The following ZNF483 variants were observed in gnomAD, a reference collection of about 807,000 sequenced individuals.
ZNF483 encodes zinc finger protein HIT-10.
ZNF483 carries 9 observed loss-of-function variants against 28.6 expected under a neutral mutation model. The observed-to-expected ratio is 0.32, with a 90% CI of 0.19 to 0.55. The LOEUF (loss-of-function observed/expected upper bound fraction) is 0.55, where lower values mean the gene tolerates loss of function less well. ZNF483 is among the 20% of genes least tolerant of loss of function. The probability of loss-of-function intolerance (pLI) is 0.93; values close to 1 mark genes in which losing one functional copy is unlikely to be tolerated. For synonymous variants in ZNF483, 322 were observed against 306.2 expected (o/e 1.05, Z -0.54); for missense variants, 675 against 871.7 (o/e 0.77, Z 2.84).
chr9:111,546,138 T>C lies in ZNF483; in HGVS notation c.*2968T>C, dbSNP rs1188053391. ...TATTCCTTTGTGGTTTTAACTTTGA[T>C]TTTCCTGATGGCGAATAATGTCAAA... is the stretch of plus-strand genomic sequence containing the variant. On this transcript the variant is annotated 3_prime_UTR_variant, in exon 6 of 6. Coordinates refer to ENST00000309235, the MANE Select transcript of ZNF483 (RefSeq NM_133464.5). Among the ~76,000 whole-genome samples the C allele has an allele frequency of 2.0e-5, 3 of 152,224 alleles. No homozygotes were observed. Among genetic ancestry groups the C allele is most frequent in the Admixed American group, 2.0e-4 (3 of 15,284 alleles).
chr9:111,559,340 T>C (rs1828209599), downstream of ZNF483, among the ~76,000 whole-genome samples: 1 of 151,958 alleles, frequency 6.6e-6, no homozygotes. Context: ...GGACTTTGAC[T>C]CCTCACACCA....
In ZNF483 at chr9:111,549,734, G is replaced by A; in HGVS notation, c.*6564G>A. ...GACCCTTGCCTTCTAAGGTAATGGT[G>A]AATGATACATATTCCCTTCATTTTT... On this transcript the variant is annotated 3_prime_UTR_variant, in exon 6 of 6. Transcript: ENST00000309235. 1 of 1,549,772 alleles carries A rather than the reference G, an allele frequency of 6.5e-7. No individual in the cohort carries two copies. The highest frequency in any genetic ancestry group is 8.7e-7 in the Non-Finnish European group (1 of 1,146,414).
chr9:111,559,343 T>C (rs1272338213), downstream of ZNF483, among the ~76,000 whole-genome samples: 1 of 152,142 alleles, frequency 6.6e-6, no homozygotes, highest in South Asian at 2.1e-4. Flanking sequence ...CTTTGACTCC[T>C]CACACCAGGC....
chr9:111,542,320 C>G lies in ZNF483; in HGVS notation c.1385C>G (p.Thr462Ser). ...ASLTKHRRIH[T>S]GEKPYMCNEC... ...CTCACCAAACATCGGAGAATTCACA[C>G]TGGAGAAAAACCCTATATGTGTAAT... Residue 462 changes from threonine to serine, a missense_variant, in exon 6 of 6, where the codon ACT becomes AGT. By Grantham distance (58) the Thr-to-Ser change is moderately conservative. Transcript: ENST00000309235. This position sits in a 1 kb window ranked among gnomAD's most constrained non-coding sequence, Gnocchi z 6.2. The G allele has an allele frequency of 6.2e-7, 1 of 1,614,170 alleles. No individual in the cohort carries two copies. The highest frequency in any genetic ancestry group is 8.5e-7 in the Non-Finnish European group (1 of 1,180,032).
At chr9:111,563,006 C>A in intron 5 of ZNF483, 1 of 1,453,124 alleles carries the variant, frequency 6.9e-7, no homozygotes, top group South Asian at 1.5e-5. Context: ...GTAGCTCAAA[C>A]TCATTATGAG....
downstream of ZNF483, among the ~76,000 whole-genome samples, chr9:111,559,647 G>GCA (rs60224675): frequency 0.2 from 29,625 of 150,640 alleles, 4,533 homozygotes; most frequent in African/African-American, 0.42. Context: ...CACACATACA[G>GCA]CACACACACA....
At chr9:111,569,626 G>A (rs1160658803) in intron 5 of ZNF483, among the ~76,000 whole-genome samples, 2 of 152,122 alleles carry the variant, frequency 1.3e-5, no homozygotes, top group Admixed American at 6.6e-5. Flanking sequence ...TTAGCTGGGC[G>A]TGGTGGTACA....
chr9:111,534,747 G>A lies in ZNF483; in HGVS notation c.721+394G>A, dbSNP rs528218463. 5.7e-5 allele frequency among the ~76,000 whole-genome samples: 7 copies of A among 123,886 alleles called. No individual in the cohort carries two copies. In the South Asian group the frequency reaches 1.0e-3, roughly 18 times the overall value. The allele number at this position is 123,886 out of a possible 152,430, so 81.3% of individuals were successfully genotyped here. ...TTTTTTTTTTTTTTTTTTTTGAGTCGGAGTCTCACACCGTCTCCCGAGCTA... is the reference window on the plus strand; with the variant it reads ...TTTTTTTTTTTTTTTTTTTTGAGTCAGAGTCTCACACCGTCTCCCGAGCTA... On this transcript the variant is annotated intron_variant, in intron 5 of 5. Transcript: ENST00000309235.
chr9:111,547,907 T>C lies in ZNF483; in HGVS notation c.*4737T>C, dbSNP rs1163051429. Among the ~76,000 whole-genome samples the C allele has an allele frequency of 6.6e-6, 1 of 152,210 alleles. No individual in the cohort carries two copies. The highest frequency in any genetic ancestry group is 1.5e-5 in the Non-Finnish European group (1 of 68,028). On this transcript the variant is annotated 3_prime_UTR_variant, in exon 6 of 6. Coordinates refer to ENST00000309235, the MANE Select transcript of ZNF483 (RefSeq NM_133464.5). The stretch of plus-strand genomic sequence containing the variant: ...TATCCTTTCCACATCATGTATTCTT[T>C]GCACTCTTGTCAAAGATCATTTGAC...
chr9:111,552,843 C>G lies in ZNF483; in HGVS notation c.*9673C>G, dbSNP rs1353756363. On this transcript the variant is annotated 3_prime_UTR_variant, in exon 6 of 6. Transcript: ENST00000309235. ...AAAATATATTCTGTTCATGTATATC[C>G]AAGAGCAAAATTGTTTAATGGTTTC... is the stretch of plus-strand genomic sequence containing the variant. Among the ~76,000 whole-genome samples the G allele has an allele frequency of 6.6e-6, 1 of 152,000 alleles. No homozygotes were observed.
At chr9:111,527,027 C>G (rs778280723) in intron 1 of ZNF483, among the ~76,000 whole-genome samples, 1 of 151,954 alleles carries the variant, frequency 6.6e-6, no homozygotes, top group African/African-American at 2.4e-5. Flanking sequence ...TTGAACCCAG[C>G]CGGGGCAGAG....
chr9:111,528,506 G>A (rs1827236817), intron 2 of ZNF483, among the ~76,000 whole-genome samples: 1 of 152,136 alleles, frequency 6.6e-6, no homozygotes. Context: ...AGGGTGAGTA[G>A]TCCTTTCAGG....
chr9:111,571,372 C>A (rs1226787445), intron 5 of ZNF483, among the ~76,000 whole-genome samples: 1 of 149,578 alleles, frequency 6.7e-6, no homozygotes, highest in Non-Finnish European at 1.5e-5. Flanking sequence ...TTGCACCACT[C>A]CACTCCAGCC....
intron 5 of ZNF483, among the ~76,000 whole-genome samples, chr9:111,569,398 T>A (rs1828710493): frequency 6.6e-6 from 1 of 152,150 alleles, no homozygotes; most frequent in Non-Finnish European, 1.5e-5. Context: ...GAGAGAATGA[T>A]CACTATGAAA....
rs1402494680 is a variant in ZNF483, at chr9:111,560,968, TATATATAGAGAG to T, written c.722-15395_722-15384del. On this transcript the variant is annotated intron_variant, in intron 5 of 5. Coordinates refer to the ZNF483 transcript ENST00000358151. The stretch of plus-strand genomic sequence containing the variant: ...AAATATATATATATATATATATATA[TATATATAGAGAG>T]AGAGAGAGAGAGAGAGAGAGAGAGA... Among the ~76,000 whole-genome samples the T allele has an allele frequency of 7.5e-5, 3 of 40,066 alleles. 1 individual carries two copies. Among genetic ancestry groups the T allele is most frequent in the African/African-American group, 1.1e-4 (1 of 9,116 alleles). The allele number at this position is 40,066 out of a possible 152,430, so 26.3% of individuals were successfully genotyped here. A position where few individuals can be genotyped will look rare whatever the true frequency, so the allele number is the denominator to read the frequency against.
downstream of ZNF483, among the ~76,000 whole-genome samples, chr9:111,556,130 C>G (rs1828114104): frequency 6.6e-6 from 1 of 152,242 alleles, no homozygotes; most frequent in African/African-American, 2.4e-5. Context: ...AAAGGGGCTA[C>G]AGGCCCCATG....
rs530909530 is a variant in ZNF483 at position 111,563,424 on chromosome 9, C to T, written c.722-12941C>T. Reference sequence around the variant, plus strand: ...TACACAGTACATGTAAAAAAGATTACAAAGTACACCTAAGAAGAAATAATA... The same window carrying T: ...TACACAGTACATGTAAAAAAGATTATAAAGTACACCTAAGAAGAAATAATA... On this transcript the variant is annotated intron_variant, in intron 5 of 5. Coordinates refer to the ZNF483 transcript ENST00000358151. The T allele has an allele frequency of 6.1e-6, 3 of 489,166 alleles. No homozygotes were observed. The South Asian group carries it at 1.3e-4, about 22-fold the overall frequency. The allele number at this position is 489,166 out of a possible 1,614,324, so 30.3% of individuals were successfully genotyped here.
chr9:111,570,786 TAAAA>T (rs1828785233), intron 5 of ZNF483, among the ~76,000 whole-genome samples: 1 of 150,758 alleles, frequency 6.6e-6, no homozygotes, highest in East Asian at 2.0e-4. Context: ...CTCAAAAAAA[TAAAA>T]AGAAAAAAAG....
Position 111,551,794 on chromosome 9 carries a change from CTT to C in ZNF483, c.*8628_*8629del, listed in dbSNP as rs888495407. On this transcript the variant is annotated 3_prime_UTR_variant, in exon 6 of 6. Coordinates refer to ENST00000309235, the MANE Select transcript of ZNF483 (RefSeq NM_133464.5). ...AGGCAAAATTATATCACTTTCAAAA[CTT>C]TTTAAGTAAATTCAGTAACATATCA... Among the ~76,000 whole-genome samples, 1 of 152,146 alleles carries C rather than the reference CTT, an allele frequency of 6.6e-6. No individual in the cohort carries two copies. The highest frequency in any genetic ancestry group is 2.4e-5 in the African/African-American group (1 of 41,428).
Sources: gnomAD v4.1 joint callset for allele counts (sites outside exome capture counted in the v4.1 genomes callset) on GRCh38, gnomAD v4.1.1 for gene constraint, Gnocchi (gnomAD v3.1) non-coding constraint, MANE v1.5 for transcripts, NCBI Gene and HGNC (gene_info 2026-07-23, HGNC 2026-07-21) for gene names.